Variants in GKAP1 observed in about 807,000 individuals in gnomAD.
GKAP1 encodes G kinase-anchoring protein 1.
Under a neutral mutation model 56.7 loss-of-function variants are expected in GKAP1, and 31 were observed. That is an observed-to-expected ratio of 0.55 (90% CI 0.41 to 0.74). The LOEUF (loss-of-function observed/expected upper bound fraction) is 0.74, where lower values mean the gene tolerates loss of function less well. Among genes scored for constraint, GKAP1 ranks in the 30% least tolerant of loss-of-function variants. The pLI, the probability that GKAP1 is intolerant of heterozygous loss-of-function variation, is 0.00. For synonymous variants in GKAP1, 151 were observed against 138.6 expected (o/e 1.09, Z -0.63); for missense variants, 364 against 402.3 (o/e 0.90, Z 0.82).
At chr9:83,745,952 G>A (rs1176197525) in intron 10 of GKAP1, among the ~76,000 whole-genome samples, 4 of 151,838 alleles carry the variant, frequency 2.6e-5, no homozygotes, top group Non-Finnish European at 5.9e-5. Context: ...CACCACACCT[G>A]GCTAATTTTT....
At chr9:83,771,593 C>G (rs1943762686) in intron 7 of GKAP1, among the ~76,000 whole-genome samples, 2 of 152,120 alleles carry the variant, frequency 1.3e-5, no homozygotes, top group African/African-American at 4.8e-5. Flanking sequence ...CAAACATTAC[C>G]TTATTTGAAT....
chr9:83,807,882 C>T (rs1325021312), intron 2 of GKAP1, among the ~76,000 whole-genome samples: 3 of 152,152 alleles, frequency 2.0e-5, no homozygotes, highest in South Asian at 2.1e-4. Context: ...CACACATTAT[C>T]GTTTGTATGT....
chr9:83,770,606 G>A (rs554236464), intron 7 of GKAP1, among the ~76,000 whole-genome samples: 14 of 152,150 alleles, frequency 9.2e-5, no homozygotes, highest in African/African-American at 2.9e-4. Context: ...TGCCCAGGCG[G>A]AGTGCAATGG....
At chr9:83,758,197 T>C (rs1943508513) in intron 8 of GKAP1, among the ~76,000 whole-genome samples, 1 of 152,112 alleles carries the variant, frequency 6.6e-6, no homozygotes, top group Non-Finnish European at 1.5e-5. Context: ...AATTATTATC[T>C]TAAAAAATCG....
At chr9:83,803,024 A>C (rs1944357404) in intron 3 of GKAP1, among the ~76,000 whole-genome samples, 1 of 151,976 alleles carries the variant, frequency 6.6e-6, no homozygotes, top group Admixed American at 6.6e-5. Context: ...TGGGAGGATC[A>C]CTTGAGCCTG....
At chr9:83,802,860 G>A (rs1033255173) in intron 3 of GKAP1, among the ~76,000 whole-genome samples, 1 of 151,708 alleles carries the variant, frequency 6.6e-6, no homozygotes, top group Non-Finnish European at 1.5e-5. Context: ...AGGCCAGCAT[G>A]GTGGCTCACA....
chr9:83,770,780 G>A (rs897580863), intron 7 of GKAP1, among the ~76,000 whole-genome samples: 14 of 151,954 alleles, frequency 9.2e-5, no homozygotes, highest in African/African-American at 2.9e-4. Context: ...GGCTCGTCTC[G>A]AACTCCTGAC....
chr9:83,745,500 T>C (rs1388185597), intron 10 of GKAP1, among the ~76,000 whole-genome samples: 1 of 152,226 alleles, frequency 6.6e-6, no homozygotes, highest in Non-Finnish European at 1.5e-5. Context: ...TTGTTACTGA[T>C]AGCGATTTTT....
intron 9 of GKAP1, among the ~76,000 whole-genome samples, chr9:83,749,588 A>C (rs1294885262): frequency 6.6e-6 from 1 of 152,226 alleles, no homozygotes; most frequent in Non-Finnish European, 1.5e-5. Context: ...CATTTAACAC[A>C]GTATAGAAAA....
At chr9:83,755,643 T>C (rs902026334) in intron 8 of GKAP1, among the ~76,000 whole-genome samples, 6 of 151,890 alleles carry the variant, frequency 4.0e-5, no homozygotes, top group African/African-American at 1.4e-4. Flanking sequence ...TAGATGTGAT[T>C]TGATGAAAGA....
At position 83,806,546 on chromosome 9, in the gene GKAP1, T is replaced by C; in HGVS notation, c.-29A>G. 6 of 1,591,538 alleles carry C rather than the reference T, an allele frequency of 3.8e-6. No individual in the cohort carries two copies. Among genetic ancestry groups the C allele is most frequent in the Non-Finnish European group, 5.2e-6 (6 of 1,163,760 alleles). ...AAAGATTTTTCTTTTAAAATACTTC[T>C]GTCAAGAATAATTTCTGTGGGGAGG... On this transcript the variant is annotated 5_prime_UTR_variant, in exon 3 of 13. Transcript: ENST00000376371.
At chr9:83,761,944 G>T (rs528084035) in intron 8 of GKAP1, among the ~76,000 whole-genome samples, 1 of 151,300 alleles carries the variant, frequency 6.6e-6, no homozygotes, top group Non-Finnish European at 1.5e-5. Context: ...CCCACAGCAA[G>T]TAATATACTG....
chr9:83,756,626 A>G (rs1372356166), intron 8 of GKAP1, among the ~76,000 whole-genome samples: 1 of 152,152 alleles, frequency 6.6e-6, no homozygotes, highest in African/African-American at 2.4e-5. Flanking sequence ...CCAAATTATC[A>G]GTACTGTAGT....
At chr9:83,746,459 T>C (rs985259861) in intron 10 of GKAP1, among the ~76,000 whole-genome samples, 2 of 152,074 alleles carry the variant, frequency 1.3e-5, no homozygotes, top group African/African-American at 2.4e-5. Context: ...TCCCAACACT[T>C]TGGGAGGCCG....
rs112105799 is a variant in GKAP1, at chr9:83,756,151, C to CA, written c.739-2793dup. Among the ~76,000 whole-genome samples the CA allele has an allele frequency of 6.6e-5, 10 of 151,922 alleles. 1 individual carries two copies. The highest frequency in any genetic ancestry group is 2.4e-4 in the African/African-American group (10 of 41,446). ...TTTTTTTTCTTAGTGTGATTAGAGG[C>CA]AATTTACCTATAAACTGAATTATTT... On this transcript the variant is annotated intron_variant, in intron 8 of 12. Transcript: ENST00000376371.
chr9:83,765,690 G>T (rs1057371439), intron 8 of GKAP1, among the ~76,000 whole-genome samples: 1 of 152,162 alleles, frequency 6.6e-6, no homozygotes, highest in African/African-American at 2.4e-5. Flanking sequence ...GGAACTTTAA[G>T]GTTTAATGAC....
intron 10 of GKAP1, among the ~76,000 whole-genome samples, chr9:83,745,828 T>C (rs1190242886): frequency 6.6e-6 from 1 of 151,974 alleles, no homozygotes; most frequent in Non-Finnish European, 1.5e-5. Flanking sequence ...TCTCACTCTA[T>C]CAGCCAGGAT....
At chr9:83,812,313 A>T (rs1361047973) in intron 2 of GKAP1, among the ~76,000 whole-genome samples, 1 of 146,896 alleles carries the variant, frequency 6.8e-6, no homozygotes, top group Non-Finnish European at 1.5e-5. Context: ...GTATACATAT[A>T]TATGTATATA....
At chr9:83,811,738 A>T (rs1285745775) in intron 2 of GKAP1, among the ~76,000 whole-genome samples, 1 of 152,206 alleles carries the variant, frequency 6.6e-6, no homozygotes, top group Non-Finnish European at 1.5e-5. Flanking sequence ...CAAAAAGAGT[A>T]AGACAGTGGC....
Sources: gnomAD v4.1 joint callset for allele counts (sites outside exome capture counted in the v4.1 genomes callset) on GRCh38, gnomAD v4.1.1 for gene constraint, MANE v1.5 for transcripts, NCBI Gene and HGNC (gene_info 2026-07-23, HGNC 2026-07-21) for gene names.